PIK3R5: variants seen among roughly 807,000 people sequenced by gnomAD.
The protein encoded by PIK3R5 is phosphoinositide 3-kinase regulatory subunit 5.
Under a neutral mutation model 94.9 loss-of-function variants are expected in PIK3R5, and 32 were observed. That is an observed-to-expected ratio of 0.34 (90% CI 0.25 to 0.45). PIK3R5 has a LOEUF of 0.45. Among genes scored for constraint, PIK3R5 ranks in the 20% least tolerant of loss-of-function variants. The probability of loss-of-function intolerance (pLI) is 1.00; values close to 1 mark genes in which losing one functional copy is unlikely to be tolerated. For missense variants in PIK3R5, 853 were observed against 1,144.6 expected, an observed-to-expected ratio of 0.75 and a Z score of 3.68; for synonymous variants, 443 against 479.4, an observed-to-expected ratio of 0.92 and a Z score of 0.99.
intron 1 of PIK3R5, among the ~76,000 whole-genome samples, chr17:8,922,712 G>A (rs917327369): frequency 6.6e-6 from 1 of 152,082 alleles, no homozygotes; most frequent in African/African-American, 2.4e-5. Flanking sequence ...CTCTGTCCTA[G>A]CTTATTTTTC....
rs1356011785 is a variant in PIK3R5, at chr17:8,880,264, G to A, written c.*375C>T. 1 of 177,412 alleles carries A rather than the reference G, an allele frequency of 5.6e-6. No individual in the cohort carries two copies. The highest frequency in any genetic ancestry group is 1.5e-4 in the East Asian group (1 of 6,750). 11.0% of individuals were successfully genotyped at this position (177,412 alleles called of 1,614,324 possible). A position where few individuals can be genotyped will look rare whatever the true frequency, so the allele number is the denominator to read the frequency against. Reference sequence around the variant, plus strand: ...AAGTCTTTGGCAAAGTAAGGGGTAGGCTCAGCCAAGGTTGAGAGAAAAGGC... The same window carrying A: ...AAGTCTTTGGCAAAGTAAGGGGTAGACTCAGCCAAGGTTGAGAGAAAAGGC... On this transcript the variant is annotated 3_prime_UTR_variant, in exon 19 of 19. Coordinates refer to ENST00000447110, the MANE Select transcript of PIK3R5 (RefSeq NM_001142633.3).
intron 1 of PIK3R5, among the ~76,000 whole-genome samples, chr17:8,933,819 T>C (rs558140800): frequency 1.2e-4 from 19 of 152,298 alleles, no homozygotes; most frequent in African/African-American, 4.3e-4. Context: ...CTTTCAAAAA[T>C]TAATGTAATT....
At chr17:8,901,513 T>G (rs1021855992) in intron 5 of PIK3R5, among the ~76,000 whole-genome samples, 3 of 152,124 alleles carry the variant, frequency 2.0e-5, no homozygotes, top group Non-Finnish European at 4.4e-5. Context: ...TATGAACACT[T>G]CCAAAGAAAT....
chr17:8,881,045 A>G lies in PIK3R5; in HGVS notation c.2383-28T>C, dbSNP rs2089644346. ...GGAAGGAAGGCCCAGGTCAGCCCCA[A>G]ATCCCTGGCCATCCAACACTGCCAG... is the stretch of plus-strand genomic sequence containing the variant. On this transcript the variant is annotated intron_variant, in intron 17 of 18. Transcript: ENST00000447110. The surrounding 1 kb of genome is among the most constrained non-coding windows in gnomAD (Gnocchi z 4.8). 6.5e-7 allele frequency: 1 copy of G among 1,538,482 alleles called. No individual in the cohort carries two copies. Among genetic ancestry groups the G allele is most frequent in the African/African-American group, 1.4e-5 (1 of 73,448 alleles).
At position 8,880,793 on chromosome 17, in the gene PIK3R5, A is replaced by T; in HGVS notation, c.2496-7T>A. ...GCACGGTGAGACCTCACATCTGTGC[A>T]GCAGGGCAGGGGCCAGGGATCAGAG... On this transcript the variant is annotated splice_polypyrimidine_tract_variant and splice_region_variant and intron_variant, in intron 18 of 18. Coordinates refer to ENST00000447110, the MANE Select transcript of PIK3R5 (RefSeq NM_001142633.3). The T allele has an allele frequency of 6.2e-7, 1 of 1,613,130 alleles. No homozygotes were observed. Among genetic ancestry groups the T allele is most frequent in the Non-Finnish European group, 8.5e-7 (1 of 1,179,332 alleles).
intron 5 of PIK3R5, among the ~76,000 whole-genome samples, chr17:8,898,139 A>G (rs2090194130): frequency 6.6e-6 from 1 of 152,228 alleles, no homozygotes. Context: ...ACATCCTTCA[A>G]GAGGTCTAAC....
chr17:8,933,119 G>A (rs796156927), intron 1 of PIK3R5, among the ~76,000 whole-genome samples: 12 of 152,154 alleles, frequency 7.9e-5, no homozygotes, highest in African/African-American at 2.4e-4. Context: ...ACAAAAAAAG[G>A]ACTTTCAACC....
Position 8,884,007 on chromosome 17 carries a change from G to A in PIK3R5, c.2205+700C>T, listed in dbSNP as rs930723290. ...CTGTTTTATTGCTTTGTCATCACTT[G>A]CCGCTCTCTGGAATTATCTTGGCTA... is the stretch of plus-strand genomic sequence containing the variant. On this transcript the variant is annotated intron_variant, in intron 15 of 18. Transcript: ENST00000447110. This position sits in a 1 kb window ranked among gnomAD's most constrained non-coding sequence, Gnocchi z 5.8. 8.5e-5 allele frequency among the ~76,000 whole-genome samples: 13 copies of A among 152,156 alleles called. No homozygotes were observed. Among genetic ancestry groups the A allele is most frequent in the African/African-American group, 3.1e-4 (13 of 41,434 alleles).
At chr17:8,902,846 A>ATTTTTTTTTTTTTTTTTTT (rs35776068) in intron 5 of PIK3R5, among the ~76,000 whole-genome samples, 53 of 140,168 alleles carry the variant, frequency 3.8e-4, no homozygotes, top group African/African-American at 1.4e-3. Flanking sequence ...TTTAGATAGA[A>ATTTTTTTTTTTTTTTTTTT]TTTTTTTTTT....
At chr17:8,944,514 AT>A (rs564448287) in intron 1 of PIK3R5, among the ~76,000 whole-genome samples, 7 of 152,232 alleles carry the variant, frequency 4.6e-5, no homozygotes, top group Non-Finnish European at 7.4e-5. Context: ...AGCAAGATGA[AT>A]TAATTTATGA....
At chr17:8,940,763 G>A (rs1232176023) in intron 1 of PIK3R5, among the ~76,000 whole-genome samples, 5 of 152,104 alleles carry the variant, frequency 3.3e-5, no homozygotes, top group African/African-American at 9.7e-5. Flanking sequence ...GTTTCACCAC[G>A]TTGGCCAGGC....
At chr17:8,903,580 T>C (rs1248639215) in intron 5 of PIK3R5, among the ~76,000 whole-genome samples, 1 of 151,620 alleles carries the variant, frequency 6.6e-6, no homozygotes, top group African/African-American at 2.4e-5. Flanking sequence ...TGGTTACGTT[T>C]ACTTTCCTAA....
intron 1 of PIK3R5, among the ~76,000 whole-genome samples, chr17:8,942,601 T>TTTTC (rs146260882): frequency 1.3e-5 from 2 of 151,814 alleles, no homozygotes; most frequent in African/African-American, 2.4e-5. Context: ...GCCTTATTCT[T>TTTTC]TTTCTTTCTT....
At position 8,887,285 on chromosome 17, in the gene PIK3R5, G is replaced by A. The variant is rs535317748; in HGVS notation, c.1780-64C>T. ...GGAGGCCTGCCCATCCTAGCTCCAG[G>A]GCCTTGGATGGCACCTGCAGCCCCA... is the stretch of plus-strand genomic sequence containing the variant. On this transcript the variant is annotated intron_variant, in intron 11 of 18. Coordinates refer to ENST00000447110, the MANE Select transcript of PIK3R5 (RefSeq NM_001142633.3). The A allele has an allele frequency of 5.2e-5, 82 of 1,589,094 alleles. No homozygotes were observed. The African/African-American group carries it at 1.0e-3, about 20-fold the overall frequency.
chr17:8,908,142 C>T (rs1356192277), intron 3 of PIK3R5, among the ~76,000 whole-genome samples: 1 of 152,190 alleles, frequency 6.6e-6, no homozygotes, highest in African/African-American at 2.4e-5. Context: ...GAAGGTTTCT[C>T]GGTCCATTTT....
intron 1 of PIK3R5, among the ~76,000 whole-genome samples, chr17:8,932,669 T>C (rs528566843): frequency 1.3e-5 from 2 of 152,160 alleles, no homozygotes; most frequent in Non-Finnish European, 2.9e-5. Flanking sequence ...ACTTAAACGA[T>C]AGAAACCATT....
chr17:8,951,883 CA>C (rs2091383520), intron 1 of PIK3R5, among the ~76,000 whole-genome samples: 6 of 152,192 alleles, frequency 3.9e-5, no homozygotes, highest in Admixed American at 3.9e-4. Context: ...TCACGTTTCC[CA>C]GACTCTTGTA....
rs144140358 is a variant in PIK3R5, at chr17:8,911,524, C to T, written c.-13-17G>A. On this transcript the variant is annotated splice_polypyrimidine_tract_variant and intron_variant, in intron 1 of 18. Coordinates refer to ENST00000447110, the MANE Select transcript of PIK3R5 (RefSeq NM_001142633.3). The surrounding 1 kb of genome is among the most constrained non-coding windows in gnomAD (Gnocchi z 5.3). ...GGTCATCGCCTGCATGGGGGACAGA[C>T]GCCGGTCAGCTTGTCGAGCTCCTTT... 122 of 1,528,316 alleles carry T rather than the reference C, an allele frequency of 8.0e-5. No homozygotes were observed. The highest frequency in any genetic ancestry group is 1.6e-4 in the East Asian group (7 of 44,488). The allele number at this position is 1,528,316 out of a possible 1,614,324, so 94.7% of individuals were successfully genotyped here.
In PIK3R5 at chr17:8,911,992, G is replaced by C. The variant is rs1455530452; in HGVS notation, c.-13-485C>G. ...CAGCAACTCCCTCAATATGCTTGGA[G>C]GGAGCTCCCTCTGATTGGGTGCCCA... is the stretch of plus-strand genomic sequence containing the variant. On this transcript the variant is annotated intron_variant, in intron 1 of 18. Transcript: ENST00000447110. This position sits in a 1 kb window ranked among gnomAD's most constrained non-coding sequence, Gnocchi z 5.3. The C allele has an allele frequency of 6.6e-6, 1 of 152,566 alleles. No homozygotes were observed. The highest frequency in any genetic ancestry group is 1.5e-5 in the Non-Finnish European group (1 of 68,312). The allele number at this position is 152,566 out of a possible 1,614,324, so 9.5% of individuals were successfully genotyped here.
Sources: gnomAD v4.1 joint callset for allele counts (sites outside exome capture counted in the v4.1 genomes callset) on GRCh38, gnomAD v4.1.1 for gene constraint, Gnocchi (gnomAD v3.1) non-coding constraint, MANE v1.5 for transcripts, NCBI Gene and HGNC (gene_info 2026-07-23, HGNC 2026-07-21) for gene names.